The following PDE4B variants were observed in gnomAD, a reference collection of about 807,000 sequenced individuals.
PDE4B encodes phosphodiesterase 4B.
PDE4B carries 20 observed loss-of-function variants against 82.2 expected under a neutral mutation model. The observed-to-expected ratio is 0.24, with a 90% CI of 0.17 to 0.35. The LOEUF (loss-of-function observed/expected upper bound fraction) is 0.35, where lower values mean the gene tolerates loss of function less well. PDE4B is among the 10% of genes least tolerant of loss of function. The probability of loss-of-function intolerance (pLI) is 1.00; values close to 1 mark genes in which losing one functional copy is unlikely to be tolerated. For synonymous variants in PDE4B, 320 were observed against 318.9 expected (o/e 1.00, Z -0.04); for missense variants, 655 against 907.2 (o/e 0.72, Z 3.57).
intron 3 of PDE4B, among the ~76,000 whole-genome samples, chr1:66,025,733 T>C (rs918904781): frequency 5.9e-5 from 9 of 152,194 alleles, no homozygotes; most frequent in African/African-American, 1.9e-4. Flanking sequence ...CCCCATTTCA[T>C]GACTAATTGT....
Position 66,229,141 on chromosome 1 carries a change from A to G in PDE4B, c.282-18319A>G, listed in dbSNP as rs537949922. Among the ~76,000 whole-genome samples the G allele has an allele frequency of 3.3e-5, 5 of 150,972 alleles. No individual in the cohort carries two copies. The South Asian group carries it at 6.3e-4, about 19-fold the overall frequency. ...TCCTGCCTCAGGCTCCTGAGTAGCT[A>G]GGATTACAGGCGCCCACCACCATGC... On this transcript the variant is annotated intron_variant, in intron 3 of 16. Coordinates refer to ENST00000341517, the MANE Select transcript of PDE4B (RefSeq NM_002600.4).
chr1:65,878,597 T>G (rs747465207), intron 1 of PDE4B, among the ~76,000 whole-genome samples: 6 of 152,154 alleles, frequency 3.9e-5, no homozygotes, highest in Non-Finnish European at 8.8e-5. Flanking sequence ...TGGATGAAGC[T>G]GGAAACTATC....
At chr1:66,075,641 C>G (rs1656389321) in intron 3 of PDE4B, among the ~76,000 whole-genome samples, 1 of 151,766 alleles carries the variant, frequency 6.6e-6, no homozygotes, top group Non-Finnish European at 1.5e-5. Context: ...TTCTATATGC[C>G]CTACATATCA....
At chr1:66,272,943 A>G (rs975688541) in intron 7 of PDE4B, among the ~76,000 whole-genome samples, 1 of 151,438 alleles carries the variant, frequency 6.6e-6, no homozygotes, top group African/African-American at 2.4e-5. Flanking sequence ...GGACCCCACC[A>G]CCGTGCCCAG....
At chr1:66,304,514 G>A (rs1658131686) in intron 7 of PDE4B, among the ~76,000 whole-genome samples, 1 of 151,946 alleles carries the variant, frequency 6.6e-6, no homozygotes, top group South Asian at 2.1e-4. Context: ...ATATTTAGTG[G>A]TCCTTTTCCT....
chr1:65,993,725 G>T (rs1651375366), intron 3 of PDE4B, among the ~76,000 whole-genome samples: 2 of 151,998 alleles, frequency 1.3e-5, no homozygotes, highest in South Asian at 2.1e-4. Flanking sequence ...TTTAATTTTT[G>T]ATTCCAAAAT....
rs538098834 is a variant in PDE4B at position 65,818,825 on chromosome 1, A to T, written c.-71+25577A>T. ...GAGATATTATATTTATTGCGTTGTT[A>T]TTTGCTTAATACCTGTCTCTTCCAC... is the stretch of plus-strand genomic sequence containing the variant. On this transcript the variant is annotated intron_variant, in intron 1 of 16. Coordinates refer to ENST00000341517, the MANE Select transcript of PDE4B (RefSeq NM_002600.4). 1.1e-3 allele frequency among the ~76,000 whole-genome samples: 161 copies of T among 152,170 alleles called. 1 individual carries two copies. The highest frequency in any genetic ancestry group is 3.8e-3 in the African/African-American group (159 of 41,508).
chr1:66,301,335 G>A (rs1657882656), intron 7 of PDE4B, among the ~76,000 whole-genome samples: 1 of 152,098 alleles, frequency 6.6e-6, no homozygotes, highest in African/African-American at 2.4e-5. Context: ...TTGGGCCTTG[G>A]AGGCTGAGTC....
At position 66,363,476 on chromosome 1, in the gene PDE4B, G is replaced by A. The variant is rs769957280; in HGVS notation, c.1189G>A (p.Asp397Asn). The A allele has an allele frequency of 6.2e-7, 1 of 1,613,494 alleles. No homozygotes were observed. The highest frequency in any genetic ancestry group is 1.3e-5 in the African/African-American group (1 of 74,890). The change falls in exon 12 of 17, where the codon GAC becomes AAC. Residue 397 changes from aspartate to asparagine, a missense_variant. This residue lies in a region of PDE4B where 283 missense variants were observed against 516.4 expected (regional missense o/e 0.55). Coordinates refer to ENST00000341517, the MANE Select transcript of PDE4B (RefSeq NM_002600.4). ...TATAACCTACATGATGACTTTAGAA[G>A]ACCATTACCATTCTGACGTGGCATA... ...TFITYMMTLE[D>N]HYHSDVAYHN... is the part of the protein sequence containing the mutation.
intron 1 of PDE4B, among the ~76,000 whole-genome samples, chr1:65,851,297 C>G (rs1389128053): frequency 6.6e-6 from 1 of 151,900 alleles, no homozygotes; most frequent in African/African-American, 2.4e-5. Context: ...GCTATTTTAG[C>G]ATTTTTTTCT....
intron 16 of PDE4B, among the ~76,000 whole-genome samples, chr1:66,371,077 T>TAC (rs2050745697): frequency 7.5e-6 from 1 of 133,858 alleles, no homozygotes; most frequent in Non-Finnish European, 1.6e-5. Context: ...TATATATATA[T>TAC]ATACACACAC....
intron 1 of PDE4B, among the ~76,000 whole-genome samples, chr1:65,833,754 G>C (rs1167217825): frequency 6.6e-6 from 1 of 152,086 alleles, no homozygotes; most frequent in Non-Finnish European, 1.5e-5. Flanking sequence ...TATCTGTCTA[G>C]CTAGCAGTGT....
chr1:66,332,504 G>A lies in PDE4B; in HGVS notation c.635-4G>A. ...TAACTACATGCCTGTGTGTTTGTTTGCAGAAGAATCTTATCAAAAATTAGC... is the reference window on the plus strand; with the variant it reads ...TAACTACATGCCTGTGTGTTTGTTTACAGAAGAATCTTATCAAAAATTAGC... On this transcript the variant is annotated splice_polypyrimidine_tract_variant and splice_region_variant and intron_variant, in intron 7 of 16. Transcript: ENST00000341517. 1 of 1,614,170 alleles carries A rather than the reference G, an allele frequency of 6.2e-7. No individual in the cohort carries two copies. Among genetic ancestry groups the A allele is most frequent in the South Asian group, 1.1e-5 (1 of 91,086 alleles).
intron 3 of PDE4B, among the ~76,000 whole-genome samples, chr1:66,044,924 G>A (rs747556226): frequency 6.6e-6 from 1 of 151,590 alleles, no homozygotes; most frequent in Non-Finnish European, 1.5e-5. Flanking sequence ...ATAAACTTGA[G>A]TAACAACTGG....
chr1:65,852,873 G>A (rs564551852), intron 1 of PDE4B, among the ~76,000 whole-genome samples: 1 of 149,088 alleles, frequency 6.7e-6, no homozygotes, highest in Non-Finnish European at 1.5e-5. Flanking sequence ...GTCATTGGGT[G>A]TACATTTTAT....
intron 1 of PDE4B, among the ~76,000 whole-genome samples, chr1:65,838,484 C>CGTATAT (rs1557772266): frequency 2.0e-5 from 3 of 146,442 alleles, no homozygotes; most frequent in Non-Finnish European, 3.0e-5. Context: ...TATATATATA[C>CGTATAT]GTATATGTAT....
At chr1:66,215,850 C>G (rs1222235151) in intron 3 of PDE4B, among the ~76,000 whole-genome samples, 9 of 152,098 alleles carry the variant, frequency 5.9e-5, no homozygotes. Flanking sequence ...GACTCTGTCC[C>G]CATCTCACAA....
chr1:66,347,069 A>G (rs1557716897), intron 8 of PDE4B, among the ~76,000 whole-genome samples: 1 of 152,154 alleles, frequency 6.6e-6, no homozygotes, highest in African/African-American at 2.4e-5. Context: ...ATGCTCCTAT[A>G]TCATGCTGTT....
intron 1 of PDE4B, among the ~76,000 whole-genome samples, chr1:65,846,987 C>G (rs1023230108): frequency 9.2e-5 from 14 of 152,110 alleles, no homozygotes; most frequent in African/African-American, 3.4e-4. Context: ...AACAACAAAG[C>G]AGCAATATGA....
Sources: gnomAD v4.1 joint callset for allele counts (sites outside exome capture counted in the v4.1 genomes callset) on GRCh38, gnomAD v4.1.1 for gene constraint, gnomAD v4.1.1 regional missense constraint, MANE v1.5 for transcripts, NCBI Gene and HGNC (gene_info 2026-07-23, HGNC 2026-07-21) for gene names.